Variants in PHLPP2 observed in about 807,000 individuals in gnomAD.
PHLPP2 encodes PH domain leucine-rich repeat-containing protein phosphatase 2.
A neutral mutation model predicts 124.9 loss-of-function variants in PHLPP2; 66 were observed. The observed-to-expected ratio is 0.53, with a 90% CI of 0.43 to 0.65. The LOEUF is 0.65. Ranked by LOEUF, PHLPP2 falls within the 30% of genes least tolerant of loss-of-function variation. The pLI is 0.00. For missense variants in PHLPP2, 1,685 were observed against 1,600.4 expected, an observed-to-expected ratio of 1.05 and a Z score of -0.90; for synonymous variants, 681 against 624.7, an observed-to-expected ratio of 1.09 and a Z score of -1.34.
At chr16:71,676,127 G>GCCAACCT (rs1268760018) in intron 9 of PHLPP2, among the ~76,000 whole-genome samples, 2 of 152,018 alleles carry the variant, frequency 1.3e-5, no homozygotes, top group African/African-American at 4.8e-5. Context: ...TGCAGTCCTG[G>GCCAACCT]GGTATAGTTT....
At chr16:71,664,262 A>C in intron 12 of PHLPP2, 163 bp from the exon 13 acceptor site, 1 of 614,080 alleles carries the variant, frequency 1.6e-6, no homozygotes, top group Non-Finnish European at 2.9e-6. Context: ...ATCCTATCCA[A>C]CCCAAAGTTC....
chr16:71,709,694 G>T (rs560261410), intron 2 of PHLPP2, among the ~76,000 whole-genome samples: 7 of 152,322 alleles, frequency 4.6e-5, no homozygotes, highest in African/African-American at 1.4e-4. Flanking sequence ...TCACCAGCCA[G>T]CTGCAGGAAT....
In PHLPP2 at chr16:71,679,552, A is replaced by T; in HGVS notation, c.891-17T>A. ...TGAGAAAATCTAAAGAGCAAAGGCA[A>T]AAATGGGTATTGCATTTCAATACAT... On this transcript the variant is annotated splice_polypyrimidine_tract_variant and intron_variant, in intron 6 of 18. Transcript: ENST00000568954. 1 of 1,611,306 alleles carries T rather than the reference A, an allele frequency of 6.2e-7. No individual in the cohort carries two copies. The highest frequency in any genetic ancestry group is 1.1e-5 in the South Asian group (1 of 90,992).
At chr16:71,654,211 A>AG (rs1273812166) in intron 17 of PHLPP2, among the ~76,000 whole-genome samples, 5 of 148,812 alleles carry the variant, frequency 3.4e-5, no homozygotes, top group Non-Finnish European at 4.5e-5. Context: ...AAAGAAAAAA[A>AG]AAAAAAAAAA....
At chr16:71,719,295 G>A (rs1440037401) in intron 1 of PHLPP2, among the ~76,000 whole-genome samples, 2 of 152,158 alleles carry the variant, frequency 1.3e-5, no homozygotes, top group Non-Finnish European at 2.9e-5. Context: ...AGCACTTTGG[G>A]AGGCTGAGGC....
Position 71,649,462 on chromosome 16 carries a change from A to G in PHLPP2, c.3400T>C (p.Ser1134Pro), listed in dbSNP as rs748444204. 2.5e-6 allele frequency: 4 copies of G among 1,614,108 alleles called. No homozygotes were observed. Among genetic ancestry groups the G allele is most frequent in the East Asian group, 2.2e-5 (1 of 44,868 alleles). Residue 1134 changes from serine (S) to proline (P), a missense_variant, in exon 19 of 19, where the codon TCT becomes CCT. Ser to Pro is a moderately conservative substitution (Grantham distance 74). Coordinates refer to ENST00000568954, the MANE Select transcript of PHLPP2 (RefSeq NM_015020.3). ...TGGTTACTGGAGAAGGTAGCAGAAGAAGGCTGGCGCTGAAACAGCCCAGAG... is the reference window on the plus strand; with the variant it reads ...TGGTTACTGGAGAAGGTAGCAGAAGGAGGCTGGCGCTGAAACAGCCCAGAG... ...PTSGLFQRQP[S>P]SATFSSNQSD...
intron 2 of PHLPP2, among the ~76,000 whole-genome samples, chr16:71,704,906 A>G (rs140827365): frequency 6.6e-6 from 1 of 152,158 alleles, no homozygotes; most frequent in Non-Finnish European, 1.5e-5. Flanking sequence ...GAATAAACTG[A>G]TGGAGGATTA....
intron 1 of PHLPP2, chr16:71,723,737 T>C (rs1219453786): frequency 4.8e-6 from 5 of 1,047,616 alleles, no homozygotes; most frequent in African/African-American, 1.7e-5. Context: ...GCTCGCCCGC[T>C]CGCTCGCTCG....
chr16:71,659,541 G>A (rs1392847936), intron 13 of PHLPP2, among the ~76,000 whole-genome samples: 1 of 152,072 alleles, frequency 6.6e-6, no homozygotes, highest in African/African-American at 2.4e-5. Flanking sequence ...ATGAGCCACC[G>A]CACCCGGCCC....
chr16:71,676,102 A>G (rs971467130), intron 9 of PHLPP2, among the ~76,000 whole-genome samples: 14 of 152,180 alleles, frequency 9.2e-5, no homozygotes, highest in African/African-American at 3.4e-4. Flanking sequence ...ATAAAAAAAG[A>G]GGTGGCAGGC....
chr16:71,701,069 G>A (rs1364188265), intron 3 of PHLPP2, among the ~76,000 whole-genome samples: 5 of 152,086 alleles, frequency 3.3e-5, no homozygotes, highest in African/African-American at 7.2e-5. Context: ...TGAGTGAACC[G>A]TGTTGAAAGT....
Position 71,655,358 on chromosome 16 carries a change from G to A in PHLPP2, c.2467C>T (p.Arg823Ter), listed in dbSNP as rs757767553. ...AGCAGGCGCGGGAGCTCCTCATTTC[G>A]GTCTCCATCAAACATGCCATACACA... Reference protein sequence around the residue: ...GAVYGMFDGDRNEELPRLLQC... With the variant: ...GAVYGMFDGD Residue 823 changes from arginine (R) to a stop codon, truncating the protein, a stop_gained, in exon 17 of 19, where the codon CGA (arginine) becomes TGA (stop). Transcript: ENST00000568954. LOFTEE classifies it high-confidence loss of function. The A allele has an allele frequency of 6.8e-6, 11 of 1,613,732 alleles. No individual in the cohort carries two copies. Among genetic ancestry groups the A allele is most frequent in the Non-Finnish European group, 9.3e-6 (11 of 1,179,872 alleles).
Position 71,714,771 on chromosome 16 carries a change from A to T in PHLPP2, c.25T>A (p.Cys9Ser). MKRNGSRN[C>S]LNRRSRFGSR... ...CCAAACCTACTTCTCCTATTCAAAC[A>T]ATTTCTGCTCCCATTGCGTTTCATA... is the stretch of plus-strand genomic sequence containing the variant. The change falls in exon 2 of 19, where the codon TGT becomes AGT. Residue 9 changes from cysteine to serine, a missense_variant. Coordinates refer to ENST00000568954, the MANE Select transcript of PHLPP2 (RefSeq NM_015020.3). 1 of 1,613,718 alleles carries T rather than the reference A, an allele frequency of 6.2e-7. No individual in the cohort carries two copies. Among genetic ancestry groups the T allele is most frequent in the Non-Finnish European group, 8.5e-7 (1 of 1,179,826 alleles).
intron 12 of PHLPP2, chr16:71,665,944 G>A (rs2044836154): frequency 6.6e-6 from 1 of 152,176 alleles, no homozygotes; most frequent in African/African-American, 2.4e-5. Flanking sequence ...CTGCTAAAGA[G>A]AGAACAAGCC....
intron 3 of PHLPP2, among the ~76,000 whole-genome samples, chr16:71,690,952 T>C (rs2045105502): frequency 6.6e-6 from 1 of 152,184 alleles, no homozygotes. Flanking sequence ...TTAACCCTTC[T>C]TCCAACAGCC....
At chr16:71,667,564 C>T (rs1243636345) in intron 11 of PHLPP2, among the ~76,000 whole-genome samples, 1 of 152,024 alleles carries the variant, frequency 6.6e-6, no homozygotes, top group Non-Finnish European at 1.5e-5. Flanking sequence ...TTAATGAAGG[C>T]AAACAGCACA....
intron 1 of PHLPP2, chr16:71,723,739 G>GCCCGCTCC: frequency 8.1e-6 from 9 of 1,116,096 alleles, no homozygotes; most frequent in Non-Finnish European, 1.1e-5. Flanking sequence ...TCGCCCGCTC[G>GCCCGCTCC]CTCGCTCGCT....
Position 71,684,493 on chromosome 16 carries a change from G to A in PHLPP2, c.718C>T (p.Gln240Ter). Reference protein sequence around the residue: ...FETLAEYQRWQRQASKVVSQR... With the variant: ...FETLAEYQRW ...CTTTTCACCTTGGATGCTTGCCGTTGCCATCGCTGGTACTCGGCCAAAGTC... is the reference window on the plus strand; with the variant it reads ...CTTTTCACCTTGGATGCTTGCCGTTACCATCGCTGGTACTCGGCCAAAGTC... Residue 240 changes from glutamine (Q) to a stop codon, truncating the protein, a stop_gained, in exon 5 of 19, where the codon CAA becomes TAA. Coordinates refer to ENST00000568954, the MANE Select transcript of PHLPP2 (RefSeq NM_015020.3). LOFTEE classifies it high-confidence loss of function. 1 of 1,613,848 alleles carries A rather than the reference G, an allele frequency of 6.2e-7. No individual in the cohort carries two copies. Among genetic ancestry groups the A allele is most frequent in the Non-Finnish European group, 8.5e-7 (1 of 1,179,928 alleles).
At chr16:71,675,674 T>C (rs1182361752) in intron 9 of PHLPP2, among the ~76,000 whole-genome samples, 1 of 152,202 alleles carries the variant, frequency 6.6e-6, no homozygotes, top group East Asian at 1.9e-4. Context: ...TTCAGAAACA[T>C]AGAAACTTGA....
Sources: allele counts gnomAD v4.1 joint callset (sites outside exome capture counted in the v4.1 genomes callset), GRCh38; gene constraint gnomAD v4.1.1; transcripts MANE v1.5; gene names NCBI Gene and HGNC (gene_info 2026-07-23, HGNC 2026-07-21).